CR1L: variants seen among roughly 807,000 people sequenced by gnomAD.
The protein encoded by CR1L is complement C3b/C4b receptor 1 like.
A neutral mutation model predicts 62.3 loss-of-function variants in CR1L; 59 were observed. The ratio of observed to expected loss-of-function variants is 0.95; its 90% CI spans 0.77 to 1.18. The LOEUF (loss-of-function observed/expected upper bound fraction) is 1.18, where lower values mean the gene tolerates loss of function less well. Ranked by LOEUF, CR1L falls within the 50% of genes most tolerant of loss-of-function variation. CR1L has a pLI of 0.00. For missense variants in CR1L, 700 were observed against 702.8 expected, an observed-to-expected ratio of 1.00 and a Z score of 0.04; for synonymous variants, 279 against 248.7, an observed-to-expected ratio of 1.12 and a Z score of -1.15.
chr1:207,646,710 C>CAAAAAA (rs34443417), intron 1 of CR1L, among the ~76,000 whole-genome samples: 5 of 64,712 alleles, frequency 7.7e-5, no homozygotes, highest in African/African-American at 1.5e-4. Context: ...GACCCTGTCT[C>CAAAAAA]AAAAAAAAAA....
chr1:207,646,637 G>C (rs1663130589), intron 1 of CR1L, among the ~76,000 whole-genome samples: 1 of 145,032 alleles, frequency 6.9e-6, no homozygotes, highest in Non-Finnish European at 1.5e-5. Context: ...CTTGAGCCCA[G>C]GAGGAGAAGA....
chr1:207,648,709 T>A (rs1310674146), intron 1 of CR1L, among the ~76,000 whole-genome samples: 1 of 152,196 alleles, frequency 6.6e-6, no homozygotes, highest in Non-Finnish European at 1.5e-5. Flanking sequence ...TTTTCCTTAT[T>A]TTCAATGAAA....
chr1:207,697,971 GACAGAC>G (rs745718850), intron 7 of CR1L, 98 bp downstream of exon 7: 4 of 1,480,926 alleles, frequency 2.7e-6, no homozygotes, highest in African/African-American at 1.4e-5. Flanking sequence ...AAGACAGACA[GACAGAC>G]ACACACACAC....
chr1:207,714,973 A>T (rs1653957398), intron 10 of CR1L, among the ~76,000 whole-genome samples: 1 of 152,192 alleles, frequency 6.6e-6, no homozygotes, highest in South Asian at 2.1e-4. Flanking sequence ...TGACACCTGA[A>T]GGTTATGGCT....
chr1:207,705,534 A>G (rs1000661140), intron 9 of CR1L, among the ~76,000 whole-genome samples: 16 of 152,248 alleles, frequency 1.1e-4, no homozygotes, highest in African/African-American at 3.9e-4. Context: ...CGCAACAAAC[A>G]CAGAAAGGAA....
At chr1:207,689,266 T>C (rs976457222) in intron 4 of CR1L, among the ~76,000 whole-genome samples, 2 of 152,106 alleles carry the variant, frequency 1.3e-5, no homozygotes, top group Admixed American at 6.5e-5. Flanking sequence ...ATATATTACA[T>C]TGATTGATCT....
chr1:207,698,869 A>T (rs1220435596), intron 7 of CR1L, among the ~76,000 whole-genome samples: 1 of 152,210 alleles, frequency 6.6e-6, no homozygotes, highest in Non-Finnish European at 1.5e-5. Flanking sequence ...TTGCATTAGA[A>T]GACTGGGTTT....
chr1:207,692,758 T>G, intron 4 of CR1L, among the ~76,000 whole-genome samples: 1 of 151,416 alleles, frequency 6.6e-6, no homozygotes, highest in Middle Eastern at 3.4e-3. Flanking sequence ...CCAACCTCTT[T>G]GTGATCTTCA....
chr1:207,664,202 A>G (rs35931500), intron 1 of CR1L, among the ~76,000 whole-genome samples: 5,832 of 152,312 alleles, frequency 0.038, 178 homozygotes, highest in South Asian at 0.12. Context: ...CTTTCCTTGC[A>G]GCAGAAGCAA....
At chr1:207,702,063 T>C (rs1378852439) in intron 9 of CR1L, among the ~76,000 whole-genome samples, 1 of 152,196 alleles carries the variant, frequency 6.6e-6, no homozygotes, top group Non-Finnish European at 1.5e-5. Flanking sequence ...TTTTTACAAA[T>C]TGAAGGCTTG....
At chr1:207,660,121 G>A (rs952655269) in intron 1 of CR1L, among the ~76,000 whole-genome samples, 10 of 152,238 alleles carry the variant, frequency 6.6e-5, no homozygotes, top group African/African-American at 2.2e-4. Flanking sequence ...GCAGCAGACA[G>A]CTTCTGCACA....
intron 4 of CR1L, among the ~76,000 whole-genome samples, chr1:207,692,779 AC>A (rs1241308071): frequency 6.6e-6 from 1 of 150,992 alleles, no homozygotes; most frequent in Non-Finnish European, 1.5e-5. Flanking sequence ...GGCGTGCCAT[AC>A]CCCCAGCCCG....
chr1:207,667,714 C>A (rs1034451410), intron 1 of CR1L, among the ~76,000 whole-genome samples: 66 of 151,356 alleles, frequency 4.4e-4, no homozygotes, highest in Non-Finnish European at 5.9e-4. Context: ...GCAAAGGAAA[C>A]AACAGAGTGA....
Position 207,697,606 on chromosome 1 carries a change from C to A in CR1L, c.966C>A (p.Tyr322Ter), listed in dbSNP as rs151335737. 15 of 1,613,794 alleles carry A rather than the reference C, an allele frequency of 9.3e-6. No homozygotes were observed. The Admixed American group carries it at 2.2e-4, about 23-fold the overall frequency. ...QEVFYSCEPG[Y>*]DLRGSTYLHC... ...TGTTCTACAGCTGTGAGCCCGGCTACGACCTCAGAGGATCTACGTATTTGC... is the reference window on the plus strand; with the variant it reads ...TGTTCTACAGCTGTGAGCCCGGCTAAGACCTCAGAGGATCTACGTATTTGC... Residue 322 changes from tyrosine to a stop codon, truncating the protein, a stop_gained, in exon 6 of 12, where the codon TAC becomes TAA. Transcript: ENST00000508064. LOFTEE classifies it high-confidence loss of function.
intron 1 of CR1L, chr1:207,652,557 G>A: frequency 1.3e-6 from 2 of 1,539,358 alleles, no homozygotes; most frequent in Non-Finnish European, 9.0e-7. Context: ...ATGCCTATGA[G>A]GAGCCACCAA....
At chr1:207,686,134 C>CCCTCCATCCCTCCCTTCCTCCCTCCCTT (rs1553243746) in intron 4 of CR1L, among the ~76,000 whole-genome samples, 6 of 9,204 alleles carry the variant, frequency 6.5e-4, no homozygotes, top group Non-Finnish European at 6.4e-4. Context: ...CTTCCTCCCT[C>CCCTCCATCCCTCCCTTCCTCCCTCCCTT]CCTTCCTTCC....
chr1:207,658,776 G>C (rs183642468), intron 1 of CR1L: 3 of 152,288 alleles, frequency 2.0e-5, no homozygotes, highest in African/African-American at 7.2e-5. Context: ...CTGCACGAAG[G>C]GGCCAGGTAT....
intron 1 of CR1L, among the ~76,000 whole-genome samples, chr1:207,651,627 A>G (rs1395702297): frequency 7.2e-5 from 11 of 152,144 alleles, no homozygotes; most frequent in Admixed American, 2.6e-4. Flanking sequence ...TAATTTGAGG[A>G]AGATGAGTTG....
intron 10 of CR1L, chr1:207,709,202 G>A (rs114431842): frequency 0.024 from 4,197 of 172,066 alleles, 68 homozygotes; most frequent in Middle Eastern, 0.087. Flanking sequence ...CCAGGAGGTC[G>A]AGACCAGCCT....
Sources: allele counts gnomAD v4.1 joint callset (sites outside exome capture counted in the v4.1 genomes callset), GRCh38; gene constraint gnomAD v4.1.1; transcripts MANE v1.5; gene names NCBI Gene and HGNC (gene_info 2026-07-23, HGNC 2026-07-21).